The following HYDIN variants were observed in gnomAD, a reference collection of about 807,000 sequenced individuals.
The protein encoded by HYDIN is HYDIN axonemal central pair apparatus protein.
HYDIN carries 132 observed loss-of-function variants against 403.9 expected under a neutral mutation model. The observed-to-expected ratio is 0.33, with a 90% CI of 0.28 to 0.38. The LOEUF is 0.38. Among genes scored for constraint, HYDIN ranks in the 10% least tolerant of loss-of-function variants. The pLI, the probability that HYDIN is intolerant of heterozygous loss-of-function variation, is 1.00. For synonymous variants in HYDIN, 1,202 were observed against 1,891.7 expected (o/e 0.64, Z 9.46); for missense variants, 2,827 against 5,009.5 (o/e 0.56, Z 13.15).
intron 50 of HYDIN, among the ~76,000 whole-genome samples, chr16:70,905,764 G>A (rs960201772): frequency 1.4e-4 from 21 of 151,802 alleles, no homozygotes; most frequent in Non-Finnish European, 2.5e-4. Flanking sequence ...CAACATCCTG[G>A]TTAATTCCAA....
chr16:70,936,918 C>CG (rs2077510859), intron 44 of HYDIN, among the ~76,000 whole-genome samples: 1 of 151,804 alleles, frequency 6.6e-6, no homozygotes, highest in Middle Eastern at 3.4e-3. Context: ...CTCCTCCACC[C>CG]TCTCTTTCCC....
At chr16:70,922,979 G>A (rs983988099) in intron 45 of HYDIN, among the ~76,000 whole-genome samples, 5 of 151,780 alleles carry the variant, frequency 3.3e-5, no homozygotes, top group African/African-American at 4.8e-5. Context: ...TGTTGCCCAG[G>A]CTGGTCTTGA....
chr16:71,093,942 A>G lies in HYDIN; in HGVS notation c.1328-7T>C. 6.2e-7 allele frequency: 1 copy of G among 1,613,458 alleles called. No homozygotes were observed. Among genetic ancestry groups the G allele is most frequent in the Non-Finnish European group, 8.5e-7 (1 of 1,179,624 alleles). On this transcript the variant is annotated splice_polypyrimidine_tract_variant and splice_region_variant and intron_variant, in intron 10 of 85. Transcript: ENST00000393567. ...GGCAGACGGATTTCTCGGCCTAGAA[A>G]AACAATTCAGACTTTATCATCCAAA...
chr16:71,026,347 G>C (rs960522926), intron 20 of HYDIN, among the ~76,000 whole-genome samples: 1 of 152,110 alleles, frequency 6.6e-6, no homozygotes, highest in Non-Finnish European at 1.5e-5. Flanking sequence ...GAGTGCTCAG[G>C]TTAGGGATGT....
intron 1 of HYDIN, among the ~76,000 whole-genome samples, chr16:71,202,951 G>A (rs547411798): frequency 1.1e-3 from 170 of 152,216 alleles, no homozygotes; most frequent in Middle Eastern, 3.4e-3. Flanking sequence ...GGTCTTGGGG[G>A]TGTACATGTG....
chr16:70,969,586 A>G (rs1241830211), intron 36 of HYDIN, among the ~76,000 whole-genome samples: 1 of 151,976 alleles, frequency 6.6e-6, no homozygotes, highest in Non-Finnish European at 1.5e-5. Context: ...AAGGAAAACT[A>G]AGAAATTTCT....
chr16:71,204,688 G>T (rs185066887), intron 1 of HYDIN, among the ~76,000 whole-genome samples: 7 of 146,058 alleles, frequency 4.8e-5, no homozygotes, highest in African/African-American at 1.7e-4. Context: ...ATATAACAGG[G>T]CCATTTTTCT....
At chr16:70,974,442 G>A in intron 32 of HYDIN, 92 bp downstream of exon 32, 1 of 1,430,646 alleles carries the variant, frequency 7.0e-7, no homozygotes, top group Middle Eastern at 1.8e-4. Context: ...TGATCCCAGA[G>A]GCACAAAAGC....
chr16:70,810,554 T>C (rs1030724604), intron 84 of HYDIN, among the ~76,000 whole-genome samples: 4 of 152,200 alleles, frequency 2.6e-5, no homozygotes, highest in Non-Finnish European at 4.4e-5. Flanking sequence ...GAGCGGGGCC[T>C]GGTGCGGTGG....
Position 71,230,616 on chromosome 16 carries a change from C to T in HYDIN, c.-78G>A. Reference sequence around the variant, plus strand: ...CTACCTCCATTCCCCGCCAAGACCCCGCGTCCAACTCACAGACCCCGCCGC... The same window carrying T: ...CTACCTCCATTCCCCGCCAAGACCCTGCGTCCAACTCACAGACCCCGCCGC... On this transcript the variant is annotated 5_prime_UTR_variant, in exon 1 of 86. Transcript: ENST00000393567. The T allele has an allele frequency of 1.3e-6, 2 of 1,536,040 alleles. No homozygotes were observed. The highest frequency in any genetic ancestry group is 1.4e-5 in the African/African-American group (1 of 73,150).
chr16:71,206,043 G>A (rs1451854406), intron 1 of HYDIN, among the ~76,000 whole-genome samples: 1 of 152,110 alleles, frequency 6.6e-6, no homozygotes, highest in East Asian at 1.9e-4. Context: ...TATTGCTTTG[G>A]AAACACCCAG....
intron 3 of HYDIN, among the ~76,000 whole-genome samples, chr16:71,182,097 G>C (rs764733915): frequency 1.3e-5 from 2 of 152,128 alleles, no homozygotes; most frequent in Non-Finnish European, 2.9e-5. Context: ...AATTACCTTT[G>C]AGTGTCTGAA....
At chr16:71,190,345 A>G (rs2087370347) in intron 1 of HYDIN, among the ~76,000 whole-genome samples, 3 of 78,736 alleles carry the variant, frequency 3.8e-5, no homozygotes, top group African/African-American at 3.8e-4. Flanking sequence ...CAATTTGAGC[A>G]TAAAAAAAAA....
chr16:71,003,178 T>C (rs1368329299), intron 23 of HYDIN, among the ~76,000 whole-genome samples: 1 of 152,212 alleles, frequency 6.6e-6, no homozygotes, highest in African/African-American at 2.4e-5. Context: ...TAAACTTTAT[T>C]ATATTTTTAC....
chr16:70,950,146 C>G (rs1338009091), intron 41 of HYDIN, among the ~76,000 whole-genome samples: 1 of 148,578 alleles, frequency 6.7e-6, no homozygotes, highest in African/African-American at 2.5e-5. Context: ...TCCATCCAAC[C>G]TGCAGGTCTC....
intron 85 of HYDIN, among the ~76,000 whole-genome samples, chr16:70,808,479 G>T (rs543368112): frequency 6.6e-6 from 1 of 152,202 alleles, no homozygotes; most frequent in South Asian, 2.1e-4. Flanking sequence ...GCCTTTCATT[G>T]CCAATTTAAC....
chr16:70,806,849 A>C lies in HYDIN; in HGVS notation c.*731T>G, dbSNP rs1389480351. Among the ~76,000 whole-genome samples, 1 of 152,124 alleles carries C rather than the reference A, an allele frequency of 6.6e-6. No individual in the cohort carries two copies. The highest frequency in any genetic ancestry group is 1.5e-5 in the Non-Finnish European group (1 of 68,030). On this transcript the variant is annotated 3_prime_UTR_variant, in exon 86 of 86. Coordinates refer to ENST00000393567, the MANE Select transcript of HYDIN (RefSeq NM_001270974.2). ...TCAGATGGGGACTGGGCACGTTCAGAGTGAGAGTTAGGTGGTCCTGATGTG... is the reference window on the plus strand; with the variant it reads ...TCAGATGGGGACTGGGCACGTTCAGCGTGAGAGTTAGGTGGTCCTGATGTG...
rs1269579981 is a variant in HYDIN at position 70,807,987 on chromosome 16, C to T, written c.14959G>A (p.Val4987Met). ...TGGCTGGGCTCGAATAAGACTTCCACACTGGCTTCAGTGCCTCCCTGGCCT... is the reference window on the plus strand; with the variant it reads ...TGGCTGGGCTCGAATAAGACTTCCATACTGGCTTCAGTGCCTCCCTGGCCT... ...PGGQGGTEAS[V>M]EVLFEPSHLG... Residue 4987 changes from valine (V) to methionine (M), a missense_variant, in exon 86 of 86, where the codon GTG becomes ATG. By Grantham distance (21) the Val-to-Met change is conservative. Coordinates refer to ENST00000393567, the MANE Select transcript of HYDIN (RefSeq NM_001270974.2). 4.3e-6 allele frequency: 7 copies of T among 1,614,044 alleles called. No homozygotes were observed. The African/African-American group carries it at 5.3e-5, about 12-fold the overall frequency.
intron 7 of HYDIN, among the ~76,000 whole-genome samples, chr16:71,145,923 G>C (rs757452): frequency 2.0e-5 from 3 of 151,868 alleles, no homozygotes; most frequent in East Asian, 1.9e-4. Context: ...GAGGTTATCA[G>C]TGAAGTCGTC....
Sources: allele counts gnomAD v4.1 joint callset (sites outside exome capture counted in the v4.1 genomes callset), GRCh38; gene constraint gnomAD v4.1.1; transcripts MANE v1.5; gene names NCBI Gene and HGNC (gene_info 2026-07-23, HGNC 2026-07-21).